Variants in PIK3CB observed in about 807,000 individuals in gnomAD.
The protein encoded by PIK3CB is phosphatidylinositol 4,5-bisphosphate 3-kinase catalytic subunit beta isoform.
PIK3CB carries 39 observed loss-of-function variants against 136.8 expected under a neutral mutation model. That is an observed-to-expected ratio of 0.29 (90% confidence interval 0.22 to 0.37). The LOEUF (loss-of-function observed/expected upper bound fraction) is 0.37, where lower values mean the gene tolerates loss of function less well. PIK3CB is among the 10% of genes least tolerant of loss of function. The probability of loss-of-function intolerance (pLI) is 1.00; values close to 1 mark genes in which losing one functional copy is unlikely to be tolerated. For missense variants in PIK3CB, 868 were observed against 1,275.4 expected, an observed-to-expected ratio of 0.68 and a Z score of 4.87; for synonymous variants, 428 against 436.6, an observed-to-expected ratio of 0.98 and a Z score of 0.25.
At chr3:138,733,722 C>T (rs2045040206) in intron 7 of PIK3CB, among the ~76,000 whole-genome samples, 1 of 151,940 alleles carries the variant, frequency 6.6e-6, no homozygotes, top group Non-Finnish European at 1.5e-5. Flanking sequence ...ACTAAAAATA[C>T]AAAAAATTAG....
intron 19 of PIK3CB, among the ~76,000 whole-genome samples, chr3:138,680,565 T>C (rs945566225): frequency 6.6e-6 from 1 of 152,132 alleles, no homozygotes; most frequent in Non-Finnish European, 1.5e-5. Context: ...ATTAACTTCA[T>C]ACATTAAGGT....
intron 19 of PIK3CB, 151 bp downstream of exon 19, chr3:138,681,816 T>C (rs2043787777): frequency 1.9e-6 from 1 of 530,422 alleles, no homozygotes; most frequent in African/African-American, 2.0e-5. Context: ...CAAGACAACA[T>C]ATTTGAAAGT....
intron 21 of PIK3CB, among the ~76,000 whole-genome samples, chr3:138,663,641 C>T (rs555803217): frequency 1.3e-4 from 20 of 152,230 alleles, no homozygotes; most frequent in Middle Eastern, 3.4e-3. Context: ...CTCGGGATCC[C>T]AAAGTGCTGG....
intron 2 of PIK3CB, among the ~76,000 whole-genome samples, chr3:138,771,177 T>C (rs1191849711): frequency 1.3e-5 from 2 of 151,982 alleles, no homozygotes; most frequent in African/African-American, 4.8e-5. Flanking sequence ...GAAGTATGCA[T>C]TATAATGGGT....
chr3:138,694,733 C>T, intron 14 of PIK3CB, 53 bp downstream of exon 14: 2 of 1,593,122 alleles, frequency 1.3e-6, no homozygotes, highest in Non-Finnish European at 1.7e-6. Flanking sequence ...ACCCTCATCC[C>T]AAACCCACCC....
chr3:138,705,175 AAAAAACAAAACAAAC>A lies in PIK3CB; in HGVS notation c.1531-697_1531-683del, dbSNP rs1559828639. On this transcript the variant is annotated intron_variant, in intron 11 of 23. Transcript: ENST00000674063. ...AAAGGCAAAAAAAAAAAAAAAAAACAAAAAACAAAACAAACAAAAAAAAAAACTTATATTTGCAAA... is the reference window on the plus strand; with the variant it reads ...AAAGGCAAAAAAAAAAAAAAAAAACAAAAAAAAAAAACTTATATTTGCAAA... Among the ~76,000 whole-genome samples, 1,137 of 85,768 alleles carry A rather than the reference AAAAAACAAAACAAAC, an allele frequency of 0.013. 268 individuals are homozygous for A. In the East Asian group the frequency reaches 0.16, roughly 12 times the overall value. The allele number at this position is 85,768 out of a possible 152,430, so 56.3% of individuals were successfully genotyped here.
At chr3:138,768,021 C>T (rs1036171518) in intron 2 of PIK3CB, among the ~76,000 whole-genome samples, 25 of 152,158 alleles carry the variant, frequency 1.6e-4, no homozygotes, top group Admixed American at 8.5e-4. Context: ...CGCAGCCAAG[C>T]GGAGGGTGAG....
Position 138,824,868 on chromosome 3 carries a change from T to A in PIK3CB, c.-122+9827A>T, listed in dbSNP as rs1933711865. ...TTTGAGACCAGCCTGGGCAACATGG[T>A]GAAACACTGCCTCTACAAAATACCA... On this transcript the variant is annotated intron_variant, in intron 1 of 23. Coordinates refer to ENST00000674063, the MANE Select transcript of PIK3CB (RefSeq NM_006219.3). Among the ~76,000 whole-genome samples the A allele has an allele frequency of 7.2e-5, 9 of 125,064 alleles. No individual in the cohort carries two copies. In the South Asian group the frequency reaches 2.2e-3, roughly 30 times the overall value. The allele number at this position is 125,064 out of a possible 152,430, so 82.0% of individuals were successfully genotyped here. A position where few individuals can be genotyped will look rare whatever the true frequency, so the allele number is the denominator to read the frequency against.
chr3:138,790,374 A>G (rs2046033959), intron 2 of PIK3CB, among the ~76,000 whole-genome samples: 1 of 151,736 alleles, frequency 6.6e-6, no homozygotes, highest in African/African-American at 2.4e-5. Context: ...GCATTTTGTG[A>G]GGCCAAGGTG....
intron 19 of PIK3CB, among the ~76,000 whole-genome samples, chr3:138,675,013 G>A (rs1174833016): frequency 5.3e-5 from 8 of 152,046 alleles, no homozygotes; most frequent in East Asian, 1.9e-4. Context: ...AGCCGAGACC[G>A]CGCCACTGCA....
chr3:138,734,048 T>A (rs1042022434), intron 7 of PIK3CB, among the ~76,000 whole-genome samples: 1 of 152,168 alleles, frequency 6.6e-6, no homozygotes, highest in Non-Finnish European at 1.5e-5. Context: ...TATATTAATA[T>A]AGAAATAACA....
chr3:138,703,060 T>C (rs1344647723), intron 12 of PIK3CB, among the ~76,000 whole-genome samples: 1 of 152,140 alleles, frequency 6.6e-6, no homozygotes, highest in Non-Finnish European at 1.5e-5. Context: ...CACAAAACTT[T>C]GGGAAAAAAG....
intron 15 of PIK3CB, among the ~76,000 whole-genome samples, chr3:138,690,427 G>A (rs941659853): frequency 5.9e-5 from 9 of 151,798 alleles, no homozygotes; most frequent in African/African-American, 2.2e-4. Context: ...GAAAACAAAG[G>A]AATAACTTTA....
intron 13 of PIK3CB, among the ~76,000 whole-genome samples, chr3:138,695,645 A>AT (rs1359167834): frequency 6.6e-6 from 1 of 152,096 alleles, no homozygotes; most frequent in Non-Finnish European, 1.5e-5. Context: ...AATTAGCTTA[A>AT]TTTTTTCAGT....
At chr3:138,784,627 C>T (rs1444458602) in intron 2 of PIK3CB, among the ~76,000 whole-genome samples, 3 of 152,206 alleles carry the variant, frequency 2.0e-5, no homozygotes, top group Admixed American at 6.5e-5. Context: ...GACGGGGTTT[C>T]GCCCTGTTGG....
chr3:138,763,883 CG>C (rs577944968), intron 2 of PIK3CB, among the ~76,000 whole-genome samples: 12 of 151,824 alleles, frequency 7.9e-5, no homozygotes, highest in Non-Finnish European at 1.5e-4. Flanking sequence ...GAGGCCAAGG[CG>C]GGCAGATCAT....
chr3:138,751,863 T>G (rs1411650314), intron 4 of PIK3CB, among the ~76,000 whole-genome samples: 1 of 150,948 alleles, frequency 6.6e-6, no homozygotes, highest in Non-Finnish European at 1.5e-5. Flanking sequence ...CCCAGCTACT[T>G]AGGAGGCTCA....
At position 138,683,738 on chromosome 3, in the gene PIK3CB, C is replaced by T. The variant is rs180892617; in HGVS notation, c.2365G>A (p.Val789Ile). 5 of 1,609,658 alleles carry T rather than the reference C, an allele frequency of 3.1e-6. No individual in the cohort carries two copies. In the East Asian group the frequency reaches 1.1e-4, roughly 36 times the overall value. The change falls in exon 18 of 24, where the codon GTA becomes ATA. Residue 789 changes from valine (V) to isoleucine (I), a missense_variant. Val to Ile is a conservative substitution (Grantham distance 29). Transcript: ENST00000674063. The part of the protein sequence containing the change: ...MDSKMKPLWL[V>I]YNNKVFGEDS... ...TCACCAAATACCTTGTTATTGTATACCAGCCACAAAGGCTTCATTTTGGAA... is the reference window on the plus strand; with the variant it reads ...TCACCAAATACCTTGTTATTGTATATCAGCCACAAAGGCTTCATTTTGGAA...
chr3:138,682,076 T>G, intron 18 of PIK3CB, 31 bp from the exon 19 acceptor site: 1 of 1,434,924 alleles, frequency 7.0e-7, no homozygotes, highest in South Asian at 1.2e-5. Flanking sequence ...TCATTACAAG[T>G]GCTTTTCCTT....
Sources: allele counts gnomAD v4.1 joint callset (sites outside exome capture counted in the v4.1 genomes callset), GRCh38; gene constraint gnomAD v4.1.1; transcripts MANE v1.5; gene names NCBI Gene and HGNC (gene_info 2026-07-23, HGNC 2026-07-21).